The following FBXO10 variants were observed in gnomAD, a reference collection of about 807,000 sequenced individuals.
FBXO10 encodes F-box protein 10.
In FBXO10, 39 loss-of-function variants were observed where a neutral mutation model predicts 80.7. The observed-to-expected ratio is 0.48, with a 90% CI of 0.37 to 0.63. FBXO10 has a LOEUF of 0.63. Ranked by LOEUF, FBXO10 falls within the 30% of genes least tolerant of loss-of-function variation. FBXO10 has a pLI of 0.00. For missense variants in FBXO10, 1,025 were observed against 1,269.0 expected, an observed-to-expected ratio of 0.81 and a Z score of 2.92; for synonymous variants, 449 against 489.6, an observed-to-expected ratio of 0.92 and a Z score of 1.09.
At chr9:37,556,904 T>C (rs965901967) in intron 1 of FBXO10, among the ~76,000 whole-genome samples, 1 of 152,208 alleles carries the variant, frequency 6.6e-6, no homozygotes, top group Non-Finnish European at 1.5e-5. Context: ...GACATGCTTT[T>C]TCTACTGGCT....
In FBXO10 at chr9:37,537,136, C is replaced by A. The variant is rs1433924134; in HGVS notation, c.1393G>T (p.Ala465Ser). Residue 465 changes from alanine (A) to serine (S), a missense_variant, in exon 3 of 11, where the codon GCA (alanine) becomes TCA (serine). Ala to Ser is a moderately conservative substitution (Grantham distance 99). Transcript: ENST00000432825. ...EGNIFRNLTY[A>S]VRCIHNSKII... ...TTGCTATTATGTATACACCGCACTG[C>A]GTAAGTCAGGTTCCGGAAGATGTTT... 2.5e-6 allele frequency: 4 copies of A among 1,613,058 alleles called. No individual in the cohort carries two copies. Among genetic ancestry groups the A allele is most frequent in the South Asian group, 2.2e-5 (2 of 90,936 alleles).
Position 37,512,279 on chromosome 9 carries a change from T to G in FBXO10, c.*268A>C. ...AAAATCCTGACCAAAAGCTTCAGCA[T>G]TTGAGCTTCCCCCGCTCTTCACAAT... On this transcript the variant is annotated 3_prime_UTR_variant, in exon 11 of 11. Coordinates refer to ENST00000432825, the MANE Select transcript of FBXO10 (RefSeq NM_012166.3). The G allele has an allele frequency of 9.4e-6, 3 of 318,152 alleles. No individual in the cohort carries two copies. The highest frequency in any genetic ancestry group is 1.7e-5 in the Non-Finnish European group (3 of 173,890). The allele number at this position is 318,152 out of a possible 1,614,324, so 19.7% of individuals were successfully genotyped here.
At chr9:37,557,275 C>T (rs543268228) in intron 1 of FBXO10, among the ~76,000 whole-genome samples, 7 of 152,132 alleles carry the variant, frequency 4.6e-5, no homozygotes, top group Admixed American at 1.3e-4. Flanking sequence ...TGAACTCTCA[C>T]GTAACTCACT....
chr9:37,516,314 G>T (rs10973389), intron 9 of FBXO10, among the ~76,000 whole-genome samples: 1 of 152,172 alleles, frequency 6.6e-6, no homozygotes, highest in East Asian at 1.9e-4. Flanking sequence ...ATGCACAACA[G>T]GGAGAGCTGT....
At chr9:37,540,328 C>G (rs1821879005) in intron 2 of FBXO10, among the ~76,000 whole-genome samples, 1 of 152,008 alleles carries the variant, frequency 6.6e-6, no homozygotes, top group African/African-American at 2.4e-5. Context: ...GCTGGGATTA[C>G]AGGCACCTGC....
At chr9:37,534,615 T>G (rs1821710673) in intron 3 of FBXO10, among the ~76,000 whole-genome samples, 1 of 152,120 alleles carries the variant, frequency 6.6e-6, no homozygotes, top group African/African-American at 2.4e-5. Context: ...GTGCAGAAAC[T>G]CTGGGAGTAG....
intron 7 of FBXO10, chr9:37,522,208 G>C: frequency 2.5e-6 from 1 of 398,518 alleles, no homozygotes; most frequent in South Asian, 9.6e-5. Flanking sequence ...CCAGCTGTGA[G>C]ACCCTGAGCA....
At position 37,565,084 on chromosome 9, in the gene FBXO10, A is replaced by G. The variant is rs565974850; in HGVS notation, c.-7+11127T>C. On this transcript the variant is annotated intron_variant, in intron 1 of 10. Transcript: ENST00000432825. ...GTTTCCCCCATGCTGTTCTCGTGAT[A>G]GTGAGTCCCATGAGATCTGATGCTT... 3.3e-5 allele frequency among the ~76,000 whole-genome samples: 5 copies of G among 152,296 alleles called. No homozygotes were observed. The South Asian group carries it at 1.0e-3, about 32-fold the overall frequency.
At chr9:37,523,498 G>A (rs1821392730) in intron 6 of FBXO10, among the ~76,000 whole-genome samples, 1 of 152,048 alleles carries the variant, frequency 6.6e-6, no homozygotes, top group African/African-American at 2.4e-5. Flanking sequence ...GGCTGCAGTG[G>A]GCTATAATCG....
chr9:37,540,511 G>A (rs1821883877), intron 2 of FBXO10, among the ~76,000 whole-genome samples: 1 of 152,128 alleles, frequency 6.6e-6, no homozygotes, highest in South Asian at 2.1e-4. Context: ...AGGCAGGAAA[G>A]CGATATAATT....
chr9:37,567,148 C>T lies in FBXO10; in HGVS notation c.-7+9063G>A, dbSNP rs530890100. Among the ~76,000 whole-genome samples the T allele has an allele frequency of 5.2e-3, 706 of 136,810 alleles. 5 individuals carry two copies. The highest frequency in any genetic ancestry group is 0.018 in the African/African-American group (667 of 37,060). The allele number at this position is 136,810 out of a possible 152,430, so 89.8% of individuals were successfully genotyped here. A position where few individuals can be genotyped will look rare whatever the true frequency, so the allele number is the denominator to read the frequency against. On this transcript the variant is annotated intron_variant, in intron 1 of 10. Coordinates refer to ENST00000432825, the MANE Select transcript of FBXO10 (RefSeq NM_012166.3). ...ACATGTCTTTTTTTTTTCTTTTTTT[C>T]TTTTTTTTTTTTGAGACAAGGTCTT...
intron 1 of FBXO10, among the ~76,000 whole-genome samples, chr9:37,551,529 T>C (rs1822198757): frequency 6.6e-6 from 1 of 152,202 alleles, no homozygotes; most frequent in Admixed American, 6.5e-5. Context: ...TGCCCTGGGT[T>C]CTGTAGCCCA....
intron 1 of FBXO10, among the ~76,000 whole-genome samples, chr9:37,546,476 CACTTA>C (rs1356888329): frequency 6.6e-6 from 1 of 152,156 alleles, no homozygotes; most frequent in East Asian, 1.9e-4. Context: ...TCTAATTTTC[CACTTA>C]ACTTCTGTGT....
At chr9:37,545,945 A>C (rs760577018) in intron 1 of FBXO10, among the ~76,000 whole-genome samples, 4 of 152,112 alleles carry the variant, frequency 2.6e-5, no homozygotes, top group Non-Finnish European at 5.9e-5. Context: ...TCGGGAGTTC[A>C]AGAACAGCCT....
intron 3 of FBXO10, among the ~76,000 whole-genome samples, chr9:37,534,086 C>T (rs1437139376): frequency 2.0e-5 from 3 of 151,912 alleles, no homozygotes; most frequent in East Asian, 1.9e-4. Flanking sequence ...CAAGCCCCCA[C>T]GGATACCAAA....
chr9:37,573,392 T>C (rs1285464821), intron 1 of FBXO10, among the ~76,000 whole-genome samples: 2 of 152,092 alleles, frequency 1.3e-5, no homozygotes, highest in African/African-American at 4.8e-5. Context: ...CACGCAAGCA[T>C]AAATGAAACA....
chr9:37,530,407 T>C (rs1240318163), intron 4 of FBXO10, among the ~76,000 whole-genome samples: 1 of 152,196 alleles, frequency 6.6e-6, no homozygotes, highest in Non-Finnish European at 1.5e-5. Flanking sequence ...TTTCCATCCC[T>C]ACACCCTTTC....
intron 1 of FBXO10, among the ~76,000 whole-genome samples, chr9:37,548,259 C>T (rs1448743077): frequency 6.6e-6 from 1 of 152,092 alleles, no homozygotes; most frequent in Non-Finnish European, 1.5e-5. Context: ...GTGGTGTGCA[C>T]CTGTAATCCC....
At chr9:37,557,057 A>G (rs920471343) in intron 1 of FBXO10, among the ~76,000 whole-genome samples, 2 of 152,190 alleles carry the variant, frequency 1.3e-5, no homozygotes, top group Admixed American at 6.5e-5. Context: ...AGACAAGGAG[A>G]GCATTCTTAG....
Sources: gnomAD v4.1 joint callset for allele counts (sites outside exome capture counted in the v4.1 genomes callset) on GRCh38, gnomAD v4.1.1 for gene constraint, MANE v1.5 for transcripts, NCBI Gene and HGNC (gene_info 2026-07-23, HGNC 2026-07-21) for gene names.